The following FBXW8 variants were observed in gnomAD, a reference collection of about 807,000 sequenced individuals.
The protein encoded by FBXW8 is F-box/WD repeat-containing protein 8.
FBXW8 carries 57 observed loss-of-function variants against 65.3 expected under a neutral mutation model. That is an observed-to-expected ratio of 0.87 (90% CI 0.71 to 1.09). The LOEUF (loss-of-function observed/expected upper bound fraction) is 1.09, where lower values mean the gene tolerates loss of function less well. Among genes scored for constraint, FBXW8 ranks in the 50% least tolerant of loss-of-function variants. The pLI is 0.00. For synonymous variants in FBXW8, 308 were observed against 330.2 expected (o/e 0.93, Z 0.73); for missense variants, 777 against 814.8 (o/e 0.95, Z 0.57).
At chr12:117,026,721 A>G (rs1954241205) in intron 9 of FBXW8, among the ~76,000 whole-genome samples, 1 of 152,182 alleles carries the variant, frequency 6.6e-6, no homozygotes. Flanking sequence ...CTGGGACTGC[A>G]TCTTACCTTC....
At chr12:116,913,713 G>A (rs1880180780) in intron 1 of FBXW8, among the ~76,000 whole-genome samples, 1 of 152,058 alleles carries the variant, frequency 6.6e-6, no homozygotes, top group Non-Finnish European at 1.5e-5. Context: ...CAACGTTTAT[G>A]GAAAAAACCT....
intron 1 of FBXW8, among the ~76,000 whole-genome samples, chr12:116,925,417 T>C (rs1881246306): frequency 6.6e-6 from 1 of 152,194 alleles, no homozygotes; most frequent in Admixed American, 6.5e-5. Context: ...ATTGATAGAA[T>C]ATGTTGCCAG....
intron 8 of FBXW8, among the ~76,000 whole-genome samples, chr12:117,020,847 T>G (rs1331343839): frequency 6.6e-6 from 1 of 152,206 alleles, no homozygotes; most frequent in Non-Finnish European, 1.5e-5. Flanking sequence ...GCAGTGCCCT[T>G]AAAAGGATTT....
At chr12:116,962,423 G>T (rs1199130301) in intron 4 of FBXW8, among the ~76,000 whole-genome samples, 1 of 152,148 alleles carries the variant, frequency 6.6e-6, no homozygotes, top group South Asian at 2.1e-4. Flanking sequence ...GAGCTGGGGG[G>T]CTGGAGCTGA....
chr12:116,963,247 T>G (rs1884097030), intron 4 of FBXW8, among the ~76,000 whole-genome samples: 1 of 152,144 alleles, frequency 6.6e-6, no homozygotes, highest in African/African-American at 2.4e-5. Context: ...TACTGTAGAT[T>G]AAGAATTTGG....
intron 5 of FBXW8, among the ~76,000 whole-genome samples, chr12:116,968,910 C>T (rs1197952886): frequency 6.6e-6 from 1 of 151,862 alleles, no homozygotes; most frequent in African/African-American, 2.4e-5. Flanking sequence ...TTGACAAGTT[C>T]GTCTTGGATT....
rs141604043 is a variant in FBXW8, at chr12:117,004,189, T to C, written c.1240-6134T>C. On this transcript the variant is annotated intron_variant, in intron 7 of 10. Transcript: ENST00000652555. ...ACTTATTTCTTGCTTATCTCATCCA[T>C]TGACTTTTTAATTTCTAGAAATTCT... Among the ~76,000 whole-genome samples the C allele has an allele frequency of 6.2e-3, 951 of 152,318 alleles. 12 individuals are homozygous for C. Among genetic ancestry groups the C allele is most frequent in the African/African-American group, 0.021 (889 of 41,570 alleles).
At chr12:116,954,970 T>C (rs576838812) in intron 4 of FBXW8, among the ~76,000 whole-genome samples, 165 of 151,750 alleles carry the variant, frequency 1.1e-3, no homozygotes, top group Middle Eastern at 3.4e-3. Context: ...ACCAATAGCC[T>C]TTTCTTGGCT....
At chr12:117,019,054 T>C (rs186077934) in intron 8 of FBXW8, among the ~76,000 whole-genome samples, 4 of 152,334 alleles carry the variant, frequency 2.6e-5, no homozygotes, top group African/African-American at 7.2e-5. Flanking sequence ...ATTTATACTT[T>C]TTCTCTTCTC....
chr12:116,931,181 C>T (rs1356730539), intron 2 of FBXW8, among the ~76,000 whole-genome samples: 1 of 152,208 alleles, frequency 6.6e-6, no homozygotes. Context: ...CATTGAAAAT[C>T]AGTTGACTGT....
intron 8 of FBXW8, among the ~76,000 whole-genome samples, chr12:117,018,024 A>T (rs796625790): frequency 2.6e-5 from 4 of 152,272 alleles, no homozygotes; most frequent in African/African-American, 9.6e-5. Context: ...AAGTGTTATA[A>T]TAAGTTATTC....
At chr12:116,945,792 G>C (rs1338546657) in intron 3 of FBXW8, among the ~76,000 whole-genome samples, 1 of 152,166 alleles carries the variant, frequency 6.6e-6, no homozygotes, top group African/African-American at 2.4e-5. Flanking sequence ...ACTTCCTCTC[G>C]GATTGTTAGG....
intron 10 of FBXW8, among the ~76,000 whole-genome samples, 167 bp from the exon 11 acceptor site, chr12:117,027,861 G>A (rs553757335): frequency 3.3e-5 from 5 of 152,336 alleles, no homozygotes; most frequent in African/African-American, 9.6e-5. Flanking sequence ...CACGTTGACC[G>A]CTAAGCCGGG....
At chr12:116,945,995 A>G (rs1882905431) in intron 3 of FBXW8, among the ~76,000 whole-genome samples, 2 of 152,260 alleles carry the variant, frequency 1.3e-5, no homozygotes, top group Admixed American at 6.5e-5. Flanking sequence ...GCGTGCTTCC[A>G]TAACATTTAT....
chr12:116,952,640 TTTATA>T (rs1370849846), intron 4 of FBXW8, among the ~76,000 whole-genome samples: 2 of 152,366 alleles, frequency 1.3e-5, no homozygotes, highest in Middle Eastern at 3.4e-3. Context: ...CATTTTTTGT[TTTATA>T]TTATTATTTT....
intron 8 of FBXW8, among the ~76,000 whole-genome samples, chr12:117,022,355 TAAA>T (rs5801209): frequency 8.8e-4 from 123 of 139,160 alleles, no homozygotes; most frequent in African/African-American, 2.9e-3. Flanking sequence ...AAGAAACTAT[TAAA>T]AAAAAAAAAA....
At chr12:117,009,381 G>T (rs1189172632) in intron 7 of FBXW8, among the ~76,000 whole-genome samples, 2 of 152,094 alleles carry the variant, frequency 1.3e-5, no homozygotes, top group African/African-American at 4.8e-5. Flanking sequence ...GACAGAGCAA[G>T]ACCCTGTTCC....
chr12:116,990,210 C>T (rs1056016811), intron 7 of FBXW8, among the ~76,000 whole-genome samples: 4 of 152,230 alleles, frequency 2.6e-5, no homozygotes, highest in African/African-American at 9.6e-5. Context: ...ATCCTATCAT[C>T]TCAATGTGAA....
intron 7 of FBXW8, among the ~76,000 whole-genome samples, chr12:116,993,597 T>G (rs977079782): frequency 3.9e-5 from 6 of 151,936 alleles, no homozygotes; most frequent in African/African-American, 1.5e-4. Context: ...TTGTTTTGGC[T>G]TTTTTTTCTG....
Sources: allele counts gnomAD v4.1 joint callset (sites outside exome capture counted in the v4.1 genomes callset), GRCh38; gene constraint gnomAD v4.1.1; transcripts MANE v1.5; gene names NCBI Gene and HGNC (gene_info 2026-07-23, HGNC 2026-07-21).